TBC1D1: variants seen among roughly 807,000 people sequenced by gnomAD.
The protein encoded by TBC1D1 is TBC1 (tre-2/USP6, BUB2, cdc16) domain family, member 1.
Under a neutral mutation model 125.6 loss-of-function variants are expected in TBC1D1, and 89 were observed. That is an observed-to-expected ratio of 0.71 (90% CI 0.60 to 0.85). The LOEUF is 0.85. Ranked by LOEUF, TBC1D1 falls within the 40% of genes least tolerant of loss-of-function variation. TBC1D1 has a pLI of 0.00. For synonymous variants in TBC1D1, 565 were observed against 564.1 expected (o/e 1.00, Z -0.02); for missense variants, 1,377 against 1,469.2 (o/e 0.94, Z 1.03).
At chr4:37,902,761 A>C (rs1025835336) in intron 2 of TBC1D1, among the ~76,000 whole-genome samples, 8 of 152,244 alleles carry the variant, frequency 5.3e-5, no homozygotes, top group Non-Finnish European at 1.0e-4. Context: ...AAAACTACTA[A>C]TTAAGAGCAG....
At chr4:38,027,965 G>GGTTGGGACAACACTGGTT in intron 7 of TBC1D1, 86 bp downstream of exon 7, 1 of 1,007,038 alleles carries the variant, frequency 9.9e-7, no homozygotes, top group Non-Finnish European at 1.5e-6. Context: ...TAGCAAACCA[G>GGTTGGGACAACACTGGTT]TGTTGTCCCA....
chr4:38,085,783 A>G (rs567298095), intron 12 of TBC1D1, among the ~76,000 whole-genome samples: 3 of 152,322 alleles, frequency 2.0e-5, no homozygotes, highest in Admixed American at 1.3e-4. Context: ...AAGGGACTCA[A>G]TGCTGGTAGG....
rs1481466733 is a variant in TBC1D1 at position 38,014,692 on chromosome 4, A to G, written c.601A>G (p.Asn201Asp). 1 of 1,613,022 alleles carries G rather than the reference A, an allele frequency of 6.2e-7. No homozygotes were observed. Among genetic ancestry groups the G allele is most frequent in the African/African-American group, 1.3e-5 (1 of 75,052 alleles). ...GATCGACGAGTGCATCGAGAAGTTC[A>G]ATCACGTCAGCGGCAGCCGGGGGTC... Residue 201 changes from asparagine (N) to aspartate (D), a missense_variant, in exon 3 of 20, where the codon AAT (asparagine) becomes GAT (aspartate). Transcript: ENST00000261439. The surrounding 1 kb of genome is among the most constrained non-coding windows in gnomAD (Gnocchi z 5.1).
At chr4:38,080,999 T>G (rs907268859) in intron 12 of TBC1D1, among the ~76,000 whole-genome samples, 1 of 152,190 alleles carries the variant, frequency 6.6e-6, no homozygotes, top group African/African-American at 2.4e-5. Context: ...TTATGATAGT[T>G]TTGCATAATT....
chr4:37,920,536 G>A (rs1467209221), intron 2 of TBC1D1, among the ~76,000 whole-genome samples: 2 of 152,198 alleles, frequency 1.3e-5, no homozygotes, highest in African/African-American at 4.8e-5. Context: ...TGGAGGCGAG[G>A]GGCCGATGAC....
intron 16 of TBC1D1, 142 bp from the exon 19 acceptor site, chr4:38,117,891 C>T (rs946583905): frequency 3.9e-6 from 3 of 768,092 alleles, no homozygotes; most frequent in Non-Finnish European, 6.4e-6. Flanking sequence ...GAATTAGTAG[C>T]TGAGCTCAGT....
chr4:37,953,327 A>G (rs557044000), intron 2 of TBC1D1, among the ~76,000 whole-genome samples: 1 of 152,330 alleles, frequency 6.6e-6, no homozygotes, highest in African/African-American at 2.4e-5. Context: ...ACAAATCTTA[A>G]TATCAGACTT....
intron 2 of TBC1D1, among the ~76,000 whole-genome samples, chr4:37,913,250 A>G (rs1275247029): frequency 1.3e-5 from 2 of 152,260 alleles, no homozygotes; most frequent in Non-Finnish European, 2.9e-5. Context: ...AAGGAATGGT[A>G]TGAAAAATAA....
intron 15 of TBC1D1, among the ~76,000 whole-genome samples, chr4:38,104,639 C>T (rs1336045890): frequency 6.6e-6 from 1 of 152,214 alleles, no homozygotes; most frequent in African/African-American, 2.4e-5. Context: ...TCTGATTGTT[C>T]CTGCAGCCAC....
At chr4:38,130,513 C>G (rs1765409242) in intron 18 of TBC1D1, among the ~76,000 whole-genome samples, 1 of 152,106 alleles carries the variant, frequency 6.6e-6, no homozygotes, top group East Asian at 1.9e-4. Flanking sequence ...TATGAAGAAC[C>G]TAAGAGCCAG....
At chr4:38,029,320 G>A (rs984138208) in intron 7 of TBC1D1, among the ~76,000 whole-genome samples, 1 of 152,088 alleles carries the variant, frequency 6.6e-6, no homozygotes, top group South Asian at 2.1e-4. Context: ...TAGGATCCAC[G>A]ATCTGCTTTC....
chr4:37,996,933 G>C (rs1213719440), intron 2 of TBC1D1, among the ~76,000 whole-genome samples: 1 of 152,202 alleles, frequency 6.6e-6, no homozygotes, highest in Non-Finnish European at 1.5e-5. Flanking sequence ...TGTCTGTGAG[G>C]GGGAGAACAG....
intron 19 of TBC1D1, among the ~76,000 whole-genome samples, chr4:38,134,348 G>C (rs561083141): frequency 3.9e-4 from 59 of 152,246 alleles, no homozygotes; most frequent in African/African-American, 1.4e-3. Flanking sequence ...AACCAAGACC[G>C]AATGCTATTC....
At chr4:37,962,666 A>G (rs1730282528) in intron 2 of TBC1D1, among the ~76,000 whole-genome samples, 1 of 152,246 alleles carries the variant, frequency 6.6e-6, no homozygotes, top group Admixed American at 6.5e-5. Context: ...CTGTAAATAA[A>G]GAGGTTTAGC....
chr4:38,123,814 G>T (rs982055321), intron 17 of TBC1D1, among the ~76,000 whole-genome samples: 3 of 152,222 alleles, frequency 2.0e-5, no homozygotes, highest in Admixed American at 6.5e-5. Context: ...CCCAGCCAGC[G>T]GGCTCCTGGG....
intron 15 of TBC1D1, among the ~76,000 whole-genome samples, chr4:38,111,570 T>C (rs1762207959): frequency 1.3e-5 from 2 of 152,240 alleles, no homozygotes; most frequent in African/African-American, 4.8e-5. Flanking sequence ...ATCTCTTTAA[T>C]GTCTGATTTA....
intron 2 of TBC1D1, among the ~76,000 whole-genome samples, chr4:37,909,235 A>G (rs1189106346): frequency 6.6e-6 from 1 of 152,240 alleles, no homozygotes; most frequent in Non-Finnish European, 1.5e-5. Context: ...ATATTAAACA[A>G]GAAGGCAGTC....
chr4:38,024,601 G>T (rs933820), intron 6 of TBC1D1, among the ~76,000 whole-genome samples: 1 of 152,106 alleles, frequency 6.6e-6, no homozygotes, highest in South Asian at 2.1e-4. Context: ...TCTGGTGGGG[G>T]TATGTTTTAC....
At chr4:38,112,922 G>A (rs992159535) in intron 15 of TBC1D1, among the ~76,000 whole-genome samples, 1 of 152,180 alleles carries the variant, frequency 6.6e-6, no homozygotes, top group African/African-American at 2.4e-5. Flanking sequence ...GCTTGTTGGA[G>A]GCTTGAGTGC....
Sources: allele counts gnomAD v4.1 joint callset (sites outside exome capture counted in the v4.1 genomes callset), GRCh38; gene constraint gnomAD v4.1.1; non-coding constraint Gnocchi (gnomAD v3.1); transcripts MANE v1.5; gene names NCBI Gene and HGNC (gene_info 2026-07-23, HGNC 2026-07-21).